HECTD4: variants seen among roughly 807,000 people sequenced by gnomAD.
HECTD4 encodes HECT domain E3 ubiquitin protein ligase 4.
Under a neutral mutation model 471.5 loss-of-function variants are expected in HECTD4, and 114 were observed. That is an observed-to-expected ratio of 0.24 (90% CI 0.21 to 0.28). HECTD4 has a LOEUF of 0.28. Ranked by LOEUF, HECTD4 falls within the 10% of genes least tolerant of loss-of-function variation. HECTD4 has a pLI of 1.00. For synonymous variants in HECTD4, 2,012 were observed against 2,256.0 expected (o/e 0.89, Z 3.07); for missense variants, 3,866 against 5,651.5 (o/e 0.68, Z 10.13).
chr12:112,297,211 A>AGGTACAGTG (rs2135669520), intron 7 of HECTD4, among the ~76,000 whole-genome samples: 1 of 149,802 alleles, frequency 6.7e-6, no homozygotes, highest in East Asian at 2.0e-4. Context: ...CAGAGGGTGT[A>AGGTACAGTG]GATGCAGTGG....
At chr12:112,192,910 AC>A in intron 58 of HECTD4, 145 bp from the exon 59 acceptor site, 1 of 1,215,282 alleles carries the variant, frequency 8.2e-7, no homozygotes, top group Non-Finnish European at 1.2e-6. Context: ...TTCTTTATAG[AC>A]TAATTCCCCA....
At chr12:112,312,937 C>T (rs2035400000) in intron 4 of HECTD4, 80 bp downstream of exon 4, 5 of 1,107,658 alleles carry the variant, frequency 4.5e-6, no homozygotes, top group Middle Eastern at 5.8e-4. Context: ...AGAGTTATAG[C>T]CATATCATTT....
At chr12:112,337,096 T>C (rs2035971873) in intron 1 of HECTD4, among the ~76,000 whole-genome samples, 1 of 152,224 alleles carries the variant, frequency 6.6e-6, no homozygotes, top group African/African-American at 2.4e-5. Flanking sequence ...CACTTAGTTT[T>C]GCAGATAGAA....
intron 65 of HECTD4, 44 bp downstream of exon 65, chr12:112,176,552 G>C: frequency 7.3e-7 from 1 of 1,367,116 alleles, no homozygotes; most frequent in Non-Finnish European, 1.0e-6. Flanking sequence ...TCTCCAGGAT[G>C]GAAGTAGGTC....
chr12:112,316,019 G>A (rs1010440294), intron 2 of HECTD4, among the ~76,000 whole-genome samples: 9 of 151,762 alleles, frequency 5.9e-5, no homozygotes, highest in African/African-American at 2.2e-4. Flanking sequence ...TTATAGATGT[G>A]AGCCACCATA....
At chr12:112,354,496 A>G (rs1243623442) in intron 1 of HECTD4, among the ~76,000 whole-genome samples, 1 of 152,178 alleles carries the variant, frequency 6.6e-6, no homozygotes, top group Non-Finnish European at 1.5e-5. Flanking sequence ...GACTAGTCTG[A>G]GCAAACATGG....
At position 112,162,209 on chromosome 12, in the gene HECTD4, C is replaced by T. The variant is rs1425504222; in HGVS notation, c.*178G>A. 46 of 628,932 alleles carry T rather than the reference C, an allele frequency of 7.3e-5. 1 individual carries two copies. The highest frequency in any genetic ancestry group is 4.6e-4 in the South Asian group (22 of 47,332). 39.0% of individuals were successfully genotyped at this position (628,932 alleles called of 1,614,324 possible). ...GCAAAAGAACCAACCCATCACGAAA[C>T]GTACAAAGACAAAAGGTTAAGTCTT... On this transcript the variant is annotated 3_prime_UTR_variant, in exon 76 of 76. Coordinates refer to ENST00000682272, the MANE Select transcript of HECTD4 (RefSeq NM_001388303.1). The surrounding 1 kb of genome is among the most constrained non-coding windows in gnomAD (Gnocchi z 5.2).
intron 4 of HECTD4, among the ~76,000 whole-genome samples, chr12:112,310,624 A>C (rs2035352640): frequency 6.6e-6 from 1 of 152,216 alleles, no homozygotes; most frequent in Non-Finnish European, 1.5e-5. Context: ...AGTACTAAAA[A>C]TGCTGTTAGC....
At chr12:112,241,486 GT>G (rs2033641283) in intron 32 of HECTD4, among the ~76,000 whole-genome samples, 1 of 152,108 alleles carries the variant, frequency 6.6e-6, no homozygotes, top group Admixed American at 6.6e-5. Context: ...TTGTGACAAG[GT>G]TTTGCTCTGT....
intron 62 of HECTD4, among the ~76,000 whole-genome samples, chr12:112,181,081 C>T (rs1252728885): frequency 1.3e-5 from 2 of 151,320 alleles, no homozygotes; most frequent in Non-Finnish European, 2.9e-5. Flanking sequence ...CCAGCCTCCA[C>T]TGCTTGAACC....
chr12:112,306,446 C>T (rs2035273267), intron 6 of HECTD4, among the ~76,000 whole-genome samples: 1 of 152,094 alleles, frequency 6.6e-6, no homozygotes, highest in Admixed American at 6.5e-5. Context: ...TAAATATGAA[C>T]AGCCATGCAA....
chr12:112,247,426 G>A (rs2135585026), intron 28 of HECTD4, 36 bp downstream of exon 28: 2 of 1,012,592 alleles, frequency 2.0e-6, no homozygotes, highest in Non-Finnish European at 2.9e-6. Context: ...GAGCATCAAG[G>A]TGATAATAGC....
chr12:112,277,166 G>A (rs2034544176), intron 9 of HECTD4, among the ~76,000 whole-genome samples: 2 of 152,070 alleles, frequency 1.3e-5, no homozygotes, highest in Admixed American at 6.5e-5. Context: ...TAGCCAAAAA[G>A]TAGAAACAAC....
chr12:112,286,112 A>T (rs1173980887), intron 7 of HECTD4, among the ~76,000 whole-genome samples: 1 of 152,220 alleles, frequency 6.6e-6, no homozygotes, highest in African/African-American at 2.4e-5. Flanking sequence ...TGTGTGATAC[A>T]AGTAGGGCTG....
chr12:112,327,436 T>C (rs999701163), intron 1 of HECTD4, among the ~76,000 whole-genome samples: 6 of 151,960 alleles, frequency 3.9e-5, no homozygotes, highest in Admixed American at 6.6e-5. Flanking sequence ...AATAAAAAAT[T>C]ATTAAAACCA....
intron 1 of HECTD4, among the ~76,000 whole-genome samples, chr12:112,365,115 T>C (rs1049039612): frequency 3.3e-5 from 5 of 152,194 alleles, no homozygotes; most frequent in African/African-American, 1.2e-4. Context: ...ATAAAACACA[T>C]ATGTAATTTA....
rs759587669 is a variant in HECTD4, at chr12:112,184,394, C to T, written c.10572G>A (p.Leu3524=). Reference sequence around the variant, plus strand: ...GGCTGGACACCGCGTGGGGCTCCAACAGGCCCGGAGGGATGGGCAGCTCGA... The same window carrying T: ...GGCTGGACACCGCGTGGGGCTCCAATAGGCCCGGAGGGATGGGCAGCTCGA... ...AGLELPIPPG[L]LEPHAVSSQE... Residue 3524 remains leucine, a synonymous_variant, in exon 61 of 76, where the codon CTG becomes CTA. Coordinates refer to ENST00000682272, the MANE Select transcript of HECTD4 (RefSeq NM_001388303.1). The surrounding 1 kb of genome is among the most constrained non-coding windows in gnomAD (Gnocchi z 9.1). 2 of 1,609,214 alleles carry T rather than the reference C, an allele frequency of 1.2e-6. No homozygotes were observed. The highest frequency in any genetic ancestry group is 1.7e-5 in the Admixed American group (1 of 59,138).
rs534833871 is a variant in HECTD4 at position 112,314,497 on chromosome 12, T to C, written c.745A>G (p.Thr249Ala). 20 of 1,532,886 alleles carry C rather than the reference T, an allele frequency of 1.3e-5. No individual in the cohort carries two copies. Among genetic ancestry groups the C allele is most frequent in the Admixed American group, 3.9e-5 (2 of 50,984 alleles). The allele number at this position is 1,532,886 out of a possible 1,614,324, so 95.0% of individuals were successfully genotyped here. A position where few individuals can be genotyped will look rare whatever the true frequency, so the allele number is the denominator to read the frequency against. ...VHTVHLLQKQ[T>A]DLGSLPVADV... The stretch of plus-strand genomic sequence containing the variant: ...GCTACAGGCAGGGACCCTAGATCCG[T>C]CTGTTTCTGTAATAGATGGACTGTG... Residue 249 changes from threonine to alanine, a missense_variant, in exon 3 of 76, where the codon ACG (threonine) becomes GCG (alanine). Physicochemically the swap from Thr to Ala is moderately conservative, Grantham distance 58. This residue lies in a region of HECTD4 where 440 missense variants were observed against 636.0 expected (regional missense o/e 0.69). Coordinates refer to ENST00000682272, the MANE Select transcript of HECTD4 (RefSeq NM_001388303.1).
At chr12:112,377,179 C>A (rs948196290) in intron 1 of HECTD4, among the ~76,000 whole-genome samples, 2 of 151,842 alleles carry the variant, frequency 1.3e-5, no homozygotes, top group African/African-American at 4.8e-5. Flanking sequence ...GTGACTCATG[C>A]TGAGCACTCT....
Sources: gnomAD v4.1 joint callset for allele counts (sites outside exome capture counted in the v4.1 genomes callset) on GRCh38, gnomAD v4.1.1 for gene constraint, gnomAD v4.1.1 regional missense constraint, Gnocchi (gnomAD v3.1) non-coding constraint, MANE v1.5 for transcripts, NCBI Gene and HGNC (gene_info 2026-07-23, HGNC 2026-07-21) for gene names.